Variants in PHACTR1 observed in about 807,000 individuals in gnomAD.
PHACTR1 encodes the protein phosphatase and actin regulator 1, also known as RPEL repeat containing 1.
PHACTR1 carries 16 observed loss-of-function variants against 69.2 expected under a neutral mutation model. The observed-to-expected ratio is 0.23, with a 90% CI of 0.16 to 0.35. PHACTR1 has a LOEUF of 0.35. Among genes scored for constraint, PHACTR1 ranks in the 10% least tolerant of loss-of-function variants. The pLI is 1.00. For missense variants in PHACTR1, 510 were observed against 734.7 expected (o/e 0.69, Z 3.54); for synonymous variants, 312 against 284.5 (o/e 1.10, Z -0.97).
At chr6:12,955,218 A>G (rs1382037157) in intron 4 of PHACTR1, among the ~76,000 whole-genome samples, 1 of 74,330 alleles carries the variant, frequency 1.3e-5, no homozygotes, top group Non-Finnish European at 2.2e-5. Flanking sequence ...TTTTTGAGAG[A>G]GATAGCATCT....
chr6:13,123,018 G>A (rs982135560), intron 5 of PHACTR1, among the ~76,000 whole-genome samples: 4 of 152,148 alleles, frequency 2.6e-5, no homozygotes, highest in African/African-American at 9.7e-5. Flanking sequence ...GATGAATTTG[G>A]AAGTAACATA....
chr6:13,228,445 A>ATTT lies in PHACTR1; in HGVS notation c.1234+382_1234+383insTTT, dbSNP rs147745075. ...AAATACTACTCACTGTGTATGCAAC[A>ATTT]AATTCACTTTTTAAGCATACCTCAG... On this transcript the variant is annotated intron_variant, in intron 9 of 14. Transcript: ENST00000332995. 7.2e-3 allele frequency among the ~76,000 whole-genome samples: 1,095 copies of ATTT among 152,324 alleles called. 14 individuals carry two copies. Among genetic ancestry groups the ATTT allele is most frequent in the African/African-American group, 0.025 (1,040 of 41,562 alleles).
At chr6:13,019,066 A>ATTTTTTTTTTTTTTTTTTTTTTTTTT (rs369553785) in intron 4 of PHACTR1, among the ~76,000 whole-genome samples, 1 of 134,628 alleles carries the variant, frequency 7.4e-6, no homozygotes, top group Non-Finnish European at 1.6e-5. Flanking sequence ...ATATATATAT[A>ATTTTTTTTTTTTTTTTTTTTTTTTTT]TATATATATT....
At chr6:12,758,860 C>T (rs1461137596) in intron 4 of PHACTR1, among the ~76,000 whole-genome samples, 1 of 152,044 alleles carries the variant, frequency 6.6e-6, no homozygotes, top group East Asian at 1.9e-4. Context: ...CAGTGGCTCA[C>T]GCCTGTGATC....
At chr6:13,193,206 C>T (rs961037856) in intron 7 of PHACTR1, among the ~76,000 whole-genome samples, 2 of 151,510 alleles carry the variant, frequency 1.3e-5, no homozygotes, top group Non-Finnish European at 2.9e-5. Flanking sequence ...CGAGTGTGAC[C>T]TCCAACAGTG....
chr6:13,234,749 G>T (rs1317371099), intron 10 of PHACTR1, among the ~76,000 whole-genome samples: 1 of 152,188 alleles, frequency 6.6e-6, no homozygotes, highest in Non-Finnish European at 1.5e-5. Context: ...AAGTCATCTG[G>T]ATTTTTTAAT....
intron 4 of PHACTR1, among the ~76,000 whole-genome samples, chr6:12,948,379 G>A (rs553206739): frequency 8.3e-4 from 126 of 152,310 alleles, no homozygotes; most frequent in African/African-American, 2.9e-3. Flanking sequence ...GTATATCCCA[G>A]CCAGCTCTAA....
intron 4 of PHACTR1, among the ~76,000 whole-genome samples, chr6:12,759,462 C>T (rs1363823071): frequency 6.6e-6 from 1 of 150,664 alleles, no homozygotes; most frequent in East Asian, 1.9e-4. Context: ...AAAAATCCTA[C>T]TTTGGTACTA....
At chr6:12,893,097 C>T (rs1343049780) in intron 4 of PHACTR1, among the ~76,000 whole-genome samples, 1 of 152,168 alleles carries the variant, frequency 6.6e-6, no homozygotes, top group Non-Finnish European at 1.5e-5. Flanking sequence ...AAAGGAAAAT[C>T]ATTTTATTTG....
chr6:13,044,734 G>A (rs1232809129), intron 4 of PHACTR1, among the ~76,000 whole-genome samples: 3 of 152,136 alleles, frequency 2.0e-5, no homozygotes, highest in African/African-American at 4.8e-5. Context: ...TCCTAGTTTC[G>A]TAATATTTTT....
At position 13,246,262 on chromosome 6, in the gene PHACTR1, A is replaced by T. The variant is rs575690381; in HGVS notation, c.1391+16069A>T. Among the ~76,000 whole-genome samples the T allele has an allele frequency of 2.0e-5, 3 of 152,234 alleles. No homozygotes were observed. The highest frequency in any genetic ancestry group is 4.4e-5 in the Non-Finnish European group (3 of 68,044). On this transcript the variant is annotated intron_variant, in intron 10 of 14. Coordinates refer to ENST00000332995, the MANE Select transcript of PHACTR1 (RefSeq NM_030948.6). This position sits in a 1 kb window ranked among gnomAD's most constrained non-coding sequence, Gnocchi z 4.2. ...GAGGTTTTGAATGAAATCTTTAAAA[A>T]ACATATTCAGTTATCAAAAGGCCCA...
chr6:13,149,616 C>T (rs1005458333), intron 5 of PHACTR1, among the ~76,000 whole-genome samples: 1 of 152,092 alleles, frequency 6.6e-6, no homozygotes, highest in Non-Finnish European at 1.5e-5. Flanking sequence ...CACGTCGACT[C>T]TGCTAAAGTT....
At chr6:12,846,178 T>G (rs1779240436) in intron 4 of PHACTR1, among the ~76,000 whole-genome samples, 1 of 152,214 alleles carries the variant, frequency 6.6e-6, no homozygotes, top group Non-Finnish European at 1.5e-5. Context: ...ATTTAATTGT[T>G]GGTCGGTGTG....
chr6:12,775,690 C>T (rs9472511), intron 4 of PHACTR1, among the ~76,000 whole-genome samples: 10,660 of 152,176 alleles, frequency 0.07, 466 homozygotes, highest in Admixed American at 0.1. Flanking sequence ...CAGGTGGTCT[C>T]CTTTTGCTCT....
intron 5 of PHACTR1, among the ~76,000 whole-genome samples, chr6:13,060,372 G>A (rs1807486484): frequency 6.6e-6 from 1 of 152,196 alleles, no homozygotes; most frequent in African/African-American, 2.4e-5. Flanking sequence ...CAAGATGGGT[G>A]ATGGAGGAAA....
chr6:13,086,687 G>A (rs1175125127), intron 5 of PHACTR1, among the ~76,000 whole-genome samples: 1 of 152,068 alleles, frequency 6.6e-6, no homozygotes, highest in Non-Finnish European at 1.5e-5. Flanking sequence ...TCATTACATG[G>A]ATATCCCATA....
At chr6:12,902,871 C>T (rs1430470297) in intron 4 of PHACTR1, among the ~76,000 whole-genome samples, 1 of 152,176 alleles carries the variant, frequency 6.6e-6, no homozygotes, top group Non-Finnish European at 1.5e-5. Flanking sequence ...CAACAGGCCA[C>T]TTAAGACCCC....
chr6:12,940,842 G>A (rs892561134), intron 4 of PHACTR1, among the ~76,000 whole-genome samples: 24 of 152,152 alleles, frequency 1.6e-4, no homozygotes, highest in African/African-American at 5.1e-4. Flanking sequence ...GGACAGAGAC[G>A]CTTACTATCT....
At position 13,151,239 on chromosome 6, in the gene PHACTR1, G is replaced by C. The variant is rs78721271; in HGVS notation, c.416-8965G>C. On this transcript the variant is annotated intron_variant, in intron 5 of 14. Transcript: ENST00000332995. Reference sequence around the variant, plus strand: ...TGTAATTTAAAGGCAGTTGAGCAGAGAATTCAACAGAGATAGATTGTCCTG... The same window carrying C: ...TGTAATTTAAAGGCAGTTGAGCAGACAATTCAACAGAGATAGATTGTCCTG... Among the ~76,000 whole-genome samples, 1,247 of 152,306 alleles carry C rather than the reference G, an allele frequency of 8.2e-3. 55 individuals are homozygous for C. In the East Asian group the frequency reaches 0.13, roughly 15 times the overall value.
Sources: allele counts gnomAD v4.1 joint callset (sites outside exome capture counted in the v4.1 genomes callset), GRCh38; gene constraint gnomAD v4.1.1; non-coding constraint Gnocchi (gnomAD v3.1); transcripts MANE v1.5; gene names NCBI Gene and HGNC (gene_info 2026-07-23, HGNC 2026-07-21).